ERLIN2: variants seen among roughly 807,000 people sequenced by gnomAD.
ERLIN2 encodes the protein erlin-2.
A neutral mutation model predicts 41.5 loss-of-function variants in ERLIN2; 22 were observed. The ratio of observed to expected loss-of-function variants is 0.53; its 90% CI spans 0.38 to 0.76. ERLIN2 has a LOEUF of 0.76. Among genes scored for constraint, ERLIN2 ranks in the 30% least tolerant of loss-of-function variants. The probability of loss-of-function intolerance (pLI) is 0.00; values close to 1 mark genes in which losing one functional copy is unlikely to be tolerated. For missense variants in ERLIN2, 247 were observed against 414.3 expected (o/e 0.60, Z 3.51); for synonymous variants, 149 against 150.9 (o/e 0.99, Z 0.09).
intron 6 of ERLIN2, chr8:37,747,838 G>A: frequency 1.9e-6 from 3 of 1,614,150 alleles, no homozygotes; most frequent in Non-Finnish European, 2.5e-6. Context: ...AATCACACGG[G>A]ACCGGTCCCG....
chr8:37,740,231 A>T (rs1333670844), intron 2 of ERLIN2, 134 bp from the exon 3 acceptor site: 1 of 725,786 alleles, frequency 1.4e-6, no homozygotes, highest in Non-Finnish European at 2.6e-6. Context: ...AGGGATCTGT[A>T]GCCATGGCTG....
chr8:37,749,860 T>C lies in ERLIN2; in HGVS notation c.557+8T>C, dbSNP rs181608326. 2.5e-4 allele frequency: 408 copies of C among 1,613,558 alleles called. 1 individual carries two copies. The African/African-American group carries it at 4.7e-3, about 19-fold the overall frequency. ...CAGAAACTACGAGTTGATGTGAGTA[T>C]ACCCTCCGCCTGGGCTGTGACCACC... On this transcript the variant is annotated splice_region_variant and intron_variant, in intron 8 of 11. Coordinates refer to ENST00000519638, the MANE Select transcript of ERLIN2 (RefSeq NM_007175.8).
In ERLIN2 at chr8:37,751,713, A is replaced by C; in HGVS notation, c.737A>C (p.Glu246Ala). 2 of 1,613,228 alleles carry C rather than the reference A, an allele frequency of 1.2e-6. No homozygotes were observed. The highest frequency in any genetic ancestry group is 1.7e-6 in the Non-Finnish European group (2 of 1,179,284). Residue 246 changes from glutamate to alanine, a missense_variant and splice_region_variant, in exon 10 of 12, where the codon GAA becomes GCA. Transcript: ENST00000519638. ...ACTGAGAAGAAGATTTCAGAAATTG[A>C]AGGTAAGCAGAAGTGGCAGTCATGC... ...KETEKKISEI[E>A]DAAFLAREKA...
At chr8:37,746,419 G>C (rs919104365) in intron 6 of ERLIN2, 4 of 985,324 alleles carry the variant, frequency 4.1e-6, no homozygotes, top group Non-Finnish European at 4.8e-6. Flanking sequence ...TTTTAATACA[G>C]TTGAATGGAT....
At chr8:37,737,862 C>G (rs1383119705) in intron 1 of ERLIN2, 46 bp from the exon 2 acceptor site, 5 of 1,611,986 alleles carry the variant, frequency 3.1e-6, no homozygotes, top group Non-Finnish European at 4.2e-6. Flanking sequence ...GTGGCCTTTT[C>G]TCCTGCACGT....
At chr8:37,749,662 C>T (rs1803170220) in intron 7 of ERLIN2, 30 bp downstream of exon 7, 2 of 1,579,850 alleles carry the variant, frequency 1.3e-6, no homozygotes, top group African/African-American at 2.7e-5. Flanking sequence ...AGCAGCCCCT[C>T]TCTCTCTGAC....
chr8:37,745,788 T>C (rs1803025194), intron 6 of ERLIN2: 2 of 1,443,670 alleles, frequency 1.4e-6, no homozygotes, highest in Non-Finnish European at 9.1e-7. Flanking sequence ...TAGTCTTTTA[T>C]CTGTTTTGGA....
intron 2 of ERLIN2, among the ~76,000 whole-genome samples, chr8:37,738,609 G>A (rs1802741030): frequency 6.6e-6 from 1 of 152,166 alleles, no homozygotes; most frequent in South Asian, 2.1e-4. Context: ...TAATTGGCCG[G>A]CTGTGGTGTC....
At chr8:37,737,483 C>T (rs1415247944) in intron 1 of ERLIN2, 6 of 216,374 alleles carry the variant, frequency 2.8e-5, no homozygotes, top group South Asian at 6.3e-5. Flanking sequence ...AGACTCTGAC[C>T]AGAATTACAT....
chr8:37,752,858 G>A (rs373579325), intron 10 of ERLIN2, among the ~76,000 whole-genome samples: 1 of 152,180 alleles, frequency 6.6e-6, no homozygotes, highest in Non-Finnish European at 1.5e-5. Flanking sequence ...TCTCAGAATC[G>A]CGCCAGCTTA....
At position 37,751,579 on chromosome 8, in the gene ERLIN2, C is replaced by T. The variant is rs112343743; in HGVS notation, c.650-47C>T. 2,988 of 1,528,544 alleles carry T rather than the reference C, an allele frequency of 2.0e-3. 2 individuals are homozygous for T. Among genetic ancestry groups the T allele is most frequent in the Non-Finnish European group, 2.5e-3 (2,720 of 1,102,488 alleles). 94.7% of individuals were successfully genotyped at this position (1,528,544 alleles called of 1,614,324 possible). A position where few individuals can be genotyped will look rare whatever the true frequency, so the allele number is the denominator to read the frequency against. ...AGCTCGGGTGAAAGGTGAAATTAGT[C>T]AAACTCTGAAATGCCAGAACCGTAA... On this transcript the variant is annotated intron_variant, in intron 9 of 11. Coordinates refer to ENST00000519638, the MANE Select transcript of ERLIN2 (RefSeq NM_007175.8).
At chr8:37,742,992 C>T (rs372574909) in intron 4 of ERLIN2, among the ~76,000 whole-genome samples, 4 of 152,234 alleles carry the variant, frequency 2.6e-5, no homozygotes, top group Non-Finnish European at 4.4e-5. Context: ...ACTGCTACAG[C>T]GGTCCCACTG....
chr8:37,744,874 C>T (rs1312627476), intron 6 of ERLIN2, 178 bp downstream of exon 6: 5 of 738,478 alleles, frequency 6.8e-6, no homozygotes, highest in Non-Finnish European at 1.2e-5. Flanking sequence ...ATGCTGATAG[C>T]TATGCAACAA....
rs200762910 is a variant in ERLIN2 at position 37,749,843 on chromosome 8, A to G, written c.548A>G (p.Tyr183Cys). ...PNIPEAIRRN[Y>C]ELMESEKTKL... is the part of the protein sequence containing the mutation. ...ATACCAGAGGCAATCCGCAGAAACTACGAGTTGATGTGAGTATACCCTCCG... is the reference window on the plus strand; with the variant it reads ...ATACCAGAGGCAATCCGCAGAAACTGCGAGTTGATGTGAGTATACCCTCCG... Residue 183 changes from tyrosine (Y) to cysteine (C), a missense_variant, in exon 8 of 12, where the codon TAC becomes TGC. Tyr to Cys is a radical substitution (Grantham distance 194). Around this residue, in one of 3 missense-constraint regions of ERLIN2, gnomAD observed 153 missense variants for 256.4 expected, o/e 0.60. Coordinates refer to ENST00000519638, the MANE Select transcript of ERLIN2 (RefSeq NM_007175.8). 6.2e-7 allele frequency: 1 copy of G among 1,614,122 alleles called. No individual in the cohort carries two copies. The highest frequency in any genetic ancestry group is 2.2e-5 in the East Asian group (1 of 44,884).
chr8:37,747,609 A>G (rs765491528), intron 6 of ERLIN2: 6 of 1,611,656 alleles, frequency 3.7e-6, no homozygotes, highest in African/African-American at 1.3e-5. Context: ...GTTTCTGAGT[A>G]TATATGTTCG....
At chr8:37,752,116 G>A (rs767108491) in intron 10 of ERLIN2, among the ~76,000 whole-genome samples, 3 of 152,160 alleles carry the variant, frequency 2.0e-5, no homozygotes, top group Non-Finnish European at 4.4e-5. Flanking sequence ...TCAGTGCCAC[G>A]GTTTTGGGCT....
intron 6 of ERLIN2, among the ~76,000 whole-genome samples, chr8:37,748,450 T>C (rs1437709461): frequency 6.6e-6 from 1 of 152,206 alleles, no homozygotes; most frequent in African/African-American, 2.4e-5. Context: ...GCACATCCTA[T>C]ATGTGGAAAC....
At position 37,754,842 on chromosome 8, in the gene ERLIN2, T is replaced by G. The variant is rs1245408992; in HGVS notation, c.*727T>G. ...TCACCTATGCTGTGATTTGTTTTTTTTTTTTCTTCTCAAAAATTCTGTTCA... is the reference window on the plus strand; with the variant it reads ...TCACCTATGCTGTGATTTGTTTTTTGTTTTTCTTCTCAAAAATTCTGTTCA... On this transcript the variant is annotated 3_prime_UTR_variant, in exon 12 of 12. Transcript: ENST00000519638. 1 of 152,822 alleles carries G rather than the reference T, an allele frequency of 6.5e-6. No homozygotes were observed. The highest frequency in any genetic ancestry group is 1.9e-4 in the East Asian group (1 of 5,202). The allele number at this position is 152,822 out of a possible 1,614,324, so 9.5% of individuals were successfully genotyped here. A position where few individuals can be genotyped will look rare whatever the true frequency, so the allele number is the denominator to read the frequency against.
chr8:37,748,123 AT>A (rs1803119778), intron 6 of ERLIN2: 5 of 688,722 alleles, frequency 7.3e-6, no homozygotes, highest in Non-Finnish European at 1.3e-5. Flanking sequence ...TTTAAATGGC[AT>A]TTATCAACAT....
Sources: allele counts gnomAD v4.1 joint callset (sites outside exome capture counted in the v4.1 genomes callset), GRCh38; gene constraint gnomAD v4.1.1; regional missense constraint gnomAD v4.1.1; transcripts MANE v1.5; gene names NCBI Gene and HGNC (gene_info 2026-07-23, HGNC 2026-07-21).